Variants in PKIB observed in about 807,000 individuals in gnomAD.
The protein encoded by PKIB is cAMP-dependent protein kinase inhibitor beta, also known as PKI-beta.
A neutral mutation model predicts 4.5 loss-of-function variants in PKIB; 2 were observed. That is an observed-to-expected ratio of 0.44 (90% confidence interval 0.18 to 1.39). PKIB has a LOEUF of 1.39. PKIB is among the 40% of genes most tolerant of loss of function. The probability of loss-of-function intolerance (pLI) is 0.27; values close to 1 mark genes in which losing one functional copy is unlikely to be tolerated. For synonymous variants in PKIB, 38 were observed against 36.0 expected (o/e 1.06, Z -0.20); for missense variants, 94 against 92.6 (o/e 1.02, Z -0.06).
intron 3 of PKIB, among the ~76,000 whole-genome samples, chr6:122,687,518 ATTT>A (rs970992852): frequency 3.9e-5 from 6 of 152,068 alleles, no homozygotes; most frequent in African/African-American, 1.4e-4. Context: ...TGTCATTGAT[ATTT>A]TCATAGGGAC....
At chr6:122,626,431 G>A (rs774904250) in intron 1 of PKIB, among the ~76,000 whole-genome samples, 1 of 152,166 alleles carries the variant, frequency 6.6e-6, no homozygotes, top group East Asian at 1.9e-4. Flanking sequence ...ATGTTCACAC[G>A]CTCTGGGGAA....
intron 1 of PKIB, among the ~76,000 whole-genome samples, chr6:122,611,333 G>A (rs1056464409): frequency 1.3e-5 from 2 of 152,174 alleles, no homozygotes; most frequent in Admixed American, 1.3e-4. Flanking sequence ...AGCTCCCCGG[G>A]GAACGCAGCC....
intron 2 of PKIB, among the ~76,000 whole-genome samples, chr6:122,524,426 C>G (rs1354099230): frequency 1.3e-5 from 2 of 151,836 alleles, no homozygotes; most frequent in Middle Eastern, 3.4e-3. Context: ...GCTGCTTCTT[C>G]TTCATTGTCA....
chr6:122,674,240 A>G (rs1396010570), intron 2 of PKIB, among the ~76,000 whole-genome samples: 6 of 152,190 alleles, frequency 3.9e-5, no homozygotes, highest in African/African-American at 7.2e-5. Context: ...GATCATGACT[A>G]TATTTACTTT....
chr6:122,568,396 C>A (rs1017914069), intron 2 of PKIB, among the ~76,000 whole-genome samples: 2 of 152,126 alleles, frequency 1.3e-5, no homozygotes, highest in African/African-American at 4.8e-5. Context: ...ACTGTTAAGT[C>A]CCCAGAGTGT....
intron 3 of PKIB, among the ~76,000 whole-genome samples, chr6:122,589,990 A>G (rs1254653074): frequency 2.6e-5 from 4 of 152,314 alleles, no homozygotes; most frequent in South Asian, 2.1e-4. Flanking sequence ...TCTGTGCATA[A>G]TCATAATATA....
At chr6:122,554,635 T>C (rs1008192085) in intron 2 of PKIB, among the ~76,000 whole-genome samples, 4 of 152,172 alleles carry the variant, frequency 2.6e-5, no homozygotes, top group African/African-American at 9.6e-5. Flanking sequence ...AGCCAGTATG[T>C]TGGAAAACAA....
intron 1 of PKIB, chr6:122,472,102 G>T (rs1775320444): frequency 8.6e-6 from 2 of 233,668 alleles, no homozygotes; most frequent in African/African-American, 4.6e-5. Context: ...GTAGAGAACA[G>T]AGCTGAGGTG....
intron 2 of PKIB, among the ~76,000 whole-genome samples, chr6:122,500,462 A>G (rs1776197772): frequency 6.6e-6 from 1 of 152,180 alleles, no homozygotes. Flanking sequence ...ACAAAAAACA[A>G]TTTCCTTTGA....
At chr6:122,722,862 C>G (rs1445962406) in intron 4 of PKIB, among the ~76,000 whole-genome samples, 3 of 152,154 alleles carry the variant, frequency 2.0e-5, no homozygotes, top group South Asian at 4.1e-4. Context: ...ACCATTCTTT[C>G]TCTCACCCTA....
At chr6:122,575,194 G>A (rs998704493) in intron 2 of PKIB, among the ~76,000 whole-genome samples, 33 of 152,122 alleles carry the variant, frequency 2.2e-4, no homozygotes, top group African/African-American at 7.5e-4. Context: ...TAAAACCACA[G>A]TAAGATATTA....
chr6:122,644,674 T>G (rs1236140580), intron 2 of PKIB: 1 of 152,230 alleles, frequency 6.6e-6, no homozygotes, highest in Non-Finnish European at 1.5e-5. Flanking sequence ...AGATCTGATG[T>G]CTACAAACAG....
intron 2 of PKIB, among the ~76,000 whole-genome samples, chr6:122,511,423 C>T (rs1385380022): frequency 1.3e-5 from 2 of 152,120 alleles, no homozygotes; most frequent in African/African-American, 4.8e-5. Flanking sequence ...CTCCGAGTGC[C>T]CTGTTTACCT....
At chr6:122,625,650 A>G (rs1452278727) in intron 1 of PKIB, among the ~76,000 whole-genome samples, 1 of 151,770 alleles carries the variant, frequency 6.6e-6, no homozygotes, top group East Asian at 1.9e-4. Context: ...AATAATAATA[A>G]TAATAATTAA....
At chr6:122,477,514 C>G (rs1775480555) in intron 1 of PKIB, among the ~76,000 whole-genome samples, 1 of 152,060 alleles carries the variant, frequency 6.6e-6, no homozygotes, top group South Asian at 2.1e-4. Flanking sequence ...TGAAATTTGC[C>G]AGATTTGACT....
At chr6:122,562,505 T>C (rs1773065819) in intron 2 of PKIB, among the ~76,000 whole-genome samples, 1 of 152,208 alleles carries the variant, frequency 6.6e-6, no homozygotes, top group Admixed American at 6.5e-5. Flanking sequence ...TCTAGGTCTC[T>C]AGCAAGGCTG....
At chr6:122,609,151 A>G (rs1347204954), upstream of PKIB, among the ~76,000 whole-genome samples, 3 of 152,176 alleles carry the variant, frequency 2.0e-5, no homozygotes, top group African/African-American at 7.2e-5. Flanking sequence ...ACTTTTTTGC[A>G]ATTACTTTTG....
chr6:122,480,587 G>T (rs1775585276), intron 2 of PKIB: 1 of 152,138 alleles, frequency 6.6e-6, no homozygotes, highest in African/African-American at 2.4e-5. Flanking sequence ...TGTAGTAATA[G>T]TGATCCTGGA....
intron 4 of PKIB, among the ~76,000 whole-genome samples, chr6:122,724,751 C>T (rs2115100436): frequency 6.6e-6 from 1 of 152,218 alleles, no homozygotes; most frequent in African/African-American, 2.4e-5. Context: ...TGCAATCCTG[C>T]ATAGGGAATT....
Sources: allele counts gnomAD v4.1 joint callset (sites outside exome capture counted in the v4.1 genomes callset), GRCh38; gene constraint gnomAD v4.1.1; transcripts MANE v1.5; gene names NCBI Gene and HGNC (gene_info 2026-07-23, HGNC 2026-07-21).